The following ZNF212 variants were observed in gnomAD, a reference collection of about 807,000 sequenced individuals.
ZNF212 encodes the protein Zinc finger protein C2H2-150.
In ZNF212, 32 loss-of-function variants were observed where a neutral mutation model predicts 47.3. That is an observed-to-expected ratio of 0.68 (90% CI 0.51 to 0.91). ZNF212 has a LOEUF of 0.91. Among genes scored for constraint, ZNF212 ranks in the 40% least tolerant of loss-of-function variants. ZNF212 has a pLI of 0.00. For missense variants in ZNF212, 555 were observed against 622.8 expected (o/e 0.89, Z 1.16); for synonymous variants, 242 against 253.8 (o/e 0.95, Z 0.44).
rs1212474330 is a variant in ZNF212 at position 149,250,493 on chromosome 7, A to G, written c.359A>G (p.Asn120Ser). Residue 120 changes from asparagine (N) to serine (S), a missense_variant, in exon 2 of 5, where the codon AAC becomes AGC. Asn to Ser is a conservative substitution (Grantham distance 46). Transcript: ENST00000335870. ...GAGAACGTGGAGAACCTGCTGCGCA[A>G]CAGGAACTTCTGGATCCTGCGGCTG... is the stretch of plus-strand genomic sequence containing the variant. ...RLENVENLLRNRNFWILRLPP... is the reference protein window; with the variant it reads ...RLENVENLLRSRNFWILRLPP... 2 of 1,613,974 alleles carry G rather than the reference A, an allele frequency of 1.2e-6. No homozygotes were observed. Among genetic ancestry groups the G allele is most frequent in the East Asian group, 2.2e-5 (1 of 44,904 alleles).
chr7:149,252,924 T>G, intron 4 of ZNF212, 129 bp downstream of exon 4: 1 of 869,216 alleles, frequency 1.2e-6, no homozygotes, highest in Non-Finnish European at 1.8e-6. Flanking sequence ...CTGGACTCCT[T>G]TATGATTGTC....
chr7:149,250,807 A>C lies in ZNF212; in HGVS notation c.541A>C (p.Lys181Gln). 1 of 1,614,180 alleles carries C rather than the reference A, an allele frequency of 6.2e-7. No individual in the cohort carries two copies. The highest frequency in any genetic ancestry group is 8.5e-7 in the Non-Finnish European group (1 of 1,180,024). The change falls in exon 3 of 5, where the codon AAG becomes CAG. Residue 181 changes from lysine (K) to glutamine (Q), a missense_variant and splice_region_variant. Lys to Gln is a moderately conservative substitution (Grantham distance 53). Coordinates refer to ENST00000335870, the MANE Select transcript of ZNF212 (RefSeq NM_012256.4). ...ESNYETLVSL[K>Q]VLGQTEGEAE... ...TAACTATGAGACACTGGTCTCTCTGAGTGAGTAGCAGTTTTCTCCCTAGAA... is the reference window on the plus strand; with the variant it reads ...TAACTATGAGACACTGGTCTCTCTGCGTGAGTAGCAGTTTTCTCCCTAGAA...
Position 149,239,670 on chromosome 7 carries a change from C to CGCG in ZNF212, c.-109_-108insGCG. On this transcript the variant is annotated 5_prime_UTR_variant, in exon 1 of 5. Coordinates refer to ENST00000335870, the MANE Select transcript of ZNF212 (RefSeq NM_012256.4). ...GCTCCCAGAATGCACCTGGCATCAACACGGCGGCGGCGGCGGCGGCTTCCA... is the reference window on the plus strand; with the variant it reads ...GCTCCCAGAATGCACCTGGCATCAACGCGACGGCGGCGGCGGCGGCGGCTTCCA... The CGCG allele has an allele frequency of 4.2e-6, 1 of 238,060 alleles. No homozygotes were observed. The highest frequency in any genetic ancestry group is 1.2e-4 in the South Asian group (1 of 8,008). 14.7% of individuals were successfully genotyped at this position (238,060 alleles called of 1,614,324 possible).
chr7:149,242,451 T>A (rs1334502909), intron 1 of ZNF212, among the ~76,000 whole-genome samples: 1 of 152,146 alleles, frequency 6.6e-6, no homozygotes, highest in African/African-American at 2.4e-5. Flanking sequence ...TAGAATGATA[T>A]TGTCAATAGG....
intron 1 of ZNF212, among the ~76,000 whole-genome samples, chr7:149,245,407 T>A (rs1292484679): frequency 2.7e-5 from 4 of 150,676 alleles, no homozygotes; most frequent in Admixed American, 6.6e-5. Context: ...TGAATTGAAA[T>A]TCATCCTAAA....
rs1271095582 is a variant in ZNF212, at chr7:149,254,061, C to G, written c.1134C>G (p.Phe378Leu). 1 of 1,612,846 alleles carries G rather than the reference C, an allele frequency of 6.2e-7. No individual in the cohort carries two copies. Among genetic ancestry groups the G allele is most frequent in the East Asian group, 2.2e-5 (1 of 44,828 alleles). ...AGTGTGATGTGTGCCTGAGGAGCTT[C>G]AGCTGCAAGGTGAGCCTGGTGACCC... ...LHQCDVCLRS[F>L]SCKVSLVTHQ... The change falls in exon 5 of 5, where the codon TTC becomes TTG. Residue 378 changes from phenylalanine to leucine, a missense_variant. By Grantham distance (22) the Phe-to-Leu change is conservative (BLOSUM62 0). Coordinates refer to ENST00000335870, the MANE Select transcript of ZNF212 (RefSeq NM_012256.4). The surrounding 1 kb of genome is among the most constrained non-coding windows in gnomAD (Gnocchi z 4.5).
intron 3 of ZNF212, 121 bp downstream of exon 3, chr7:149,250,928 G>A (rs999269157): frequency 5.2e-6 from 7 of 1,358,302 alleles, no homozygotes; most frequent in African/African-American, 1.5e-5. Context: ...CGGCCTGCAC[G>A]GGCAGAGAAA....
rs2229323 is a variant in ZNF212, at chr7:149,254,376, G to T, written c.1449G>T (p.Gly483=). 7.8e-4 allele frequency: 1,247 copies of T among 1,606,952 alleles called. 4 individuals carry two copies. In the African/African-American group the frequency reaches 0.011, roughly 14 times the overall value. ...AGATCCACCAGCGGGAGCGGGGTGG[G>T]CTGGCCCTGGAGCCCGGAAGGCCCA... The part of the protein sequence containing the change: ...HQKIHQRERG[G]LALEPGRPNG... The change falls in exon 5 of 5, where the codon GGG becomes GGT. Residue 483 remains glycine, a synonymous_variant. Coordinates refer to ENST00000335870, the MANE Select transcript of ZNF212 (RefSeq NM_012256.4). This position sits in a 1 kb window ranked among gnomAD's most constrained non-coding sequence, Gnocchi z 4.5.
At chr7:149,251,108 T>TAA (rs1796750020) in intron 3 of ZNF212, 3 of 277,542 alleles carry the variant, frequency 1.1e-5, no homozygotes, top group Non-Finnish European at 2.1e-5. Flanking sequence ...TATTTTCTAA[T>TAA]AAATAAAATG....
chr7:149,253,482 C>G, intron 4 of ZNF212, 77 bp from the exon 5 acceptor site: 1 of 1,504,232 alleles, frequency 6.6e-7, no homozygotes, highest in South Asian at 1.4e-5. Context: ...CTGAAATTCA[C>G]AGATGTTTGT....
intron 3 of ZNF212, chr7:149,251,167 T>C: frequency 3.8e-6 from 1 of 262,674 alleles, no homozygotes; most frequent in South Asian, 3.9e-5. Flanking sequence ...TGTTGTTTTT[T>C]AATTTATTTT....
At chr7:149,253,392 A>G (rs1796785952) in intron 4 of ZNF212, among the ~76,000 whole-genome samples, 167 bp from the exon 5 acceptor site, 1 of 152,214 alleles carries the variant, frequency 6.6e-6, no homozygotes, top group African/African-American at 2.4e-5. Flanking sequence ...GTACATGAAT[A>G]TAGTTTTATA....
Position 149,254,461 on chromosome 7 carries a change from G to C in ZNF212, c.*46G>C. On this transcript the variant is annotated 3_prime_UTR_variant, in exon 5 of 5. Transcript: ENST00000335870. The surrounding 1 kb of genome is among the most constrained non-coding windows in gnomAD (Gnocchi z 4.5). Reference sequence around the variant, plus strand: ...CTGGGGGATGGAGGGGGGTGGCATTGGTTCCCCCGAAGAGACACTGCAGTC... The same window carrying C: ...CTGGGGGATGGAGGGGGGTGGCATTCGTTCCCCCGAAGAGACACTGCAGTC... 1.9e-6 allele frequency: 3 copies of C among 1,542,258 alleles called. No homozygotes were observed. The highest frequency in any genetic ancestry group is 2.6e-6 in the Non-Finnish European group (3 of 1,154,770).
intron 3 of ZNF212, among the ~76,000 whole-genome samples, chr7:149,251,635 A>G (rs935249777): frequency 2.7e-5 from 4 of 150,900 alleles, no homozygotes; most frequent in South Asian, 2.1e-4. Context: ...TTACAGGCAC[A>G]TGCCACTGCG....
At position 149,254,154 on chromosome 7, in the gene ZNF212, C is replaced by T. The variant is rs1796801219; in HGVS notation, c.1227C>T (p.Asn409=). Residue 409 remains asparagine, a synonymous_variant, in exon 5 of 5, where the codon AAC becomes AAT. Coordinates refer to ENST00000335870, the MANE Select transcript of ZNF212 (RefSeq NM_012256.4). The surrounding 1 kb of genome is among the most constrained non-coding windows in gnomAD (Gnocchi z 4.5). The stretch of plus-strand genomic sequence containing the variant: ...ATGTCCAAGAGAGGTTCTCACCCAA[C>T]AGCCTGGTTGCCCTGCCTGGCCACA... ...GQHVQERFSP[N]SLVALPGHIP... is the part of the protein sequence containing the mutation. 1.9e-6 allele frequency: 3 copies of T among 1,614,248 alleles called. No homozygotes were observed. The highest frequency in any genetic ancestry group is 1.1e-5 in the South Asian group (1 of 91,074).
intron 3 of ZNF212, among the ~76,000 whole-genome samples, chr7:149,251,815 A>T (rs1015338805): frequency 1.3e-5 from 2 of 151,614 alleles, no homozygotes; most frequent in African/African-American, 4.8e-5. Flanking sequence ...AATATTTAAG[A>T]CTATTTGAGA....
At chr7:149,245,995 G>T (rs1200848243) in intron 1 of ZNF212, among the ~76,000 whole-genome samples, 2 of 152,134 alleles carry the variant, frequency 1.3e-5, no homozygotes, top group Non-Finnish European at 2.9e-5. Context: ...ATGGGTGAAC[G>T]TGCTTTCACT....
chr7:149,253,774 AGAACTGTGGGCTGCCC>A lies in ZNF212; in HGVS notation c.851_866del (p.Thr284SerfsTer18). ...TGGTAGTAGAGTTCCTAGCAGCAGC[AGAACTGTGGGCTGCCC>A]GAAGCAGAAATCTCATAGGCAGGTA... On this transcript the variant is annotated frameshift_variant, in exon 5 of 5. Transcript: ENST00000335870. LOFTEE classifies it high-confidence loss of function. 6.2e-7 allele frequency: 1 copy of A among 1,614,142 alleles called. No individual in the cohort carries two copies. The highest frequency in any genetic ancestry group is 8.5e-7 in the Non-Finnish European group (1 of 1,179,964).
intron 3 of ZNF212, 62 bp downstream of exon 3, chr7:149,250,869 C>T: frequency 6.2e-7 from 1 of 1,601,772 alleles, no homozygotes; most frequent in Non-Finnish European, 8.5e-7. Context: ...TGGCTGGCAG[C>T]CTGTAATTCA....
Sources: gnomAD v4.1 joint callset for allele counts (sites outside exome capture counted in the v4.1 genomes callset) on GRCh38, gnomAD v4.1.1 for gene constraint, Gnocchi (gnomAD v3.1) non-coding constraint, MANE v1.5 for transcripts, NCBI Gene and HGNC (gene_info 2026-07-23, HGNC 2026-07-21) for gene names.